Variants in ZNF219 observed in about 807,000 individuals in gnomAD.
ZNF219 encodes zinc finger protein 219.
A neutral mutation model predicts 54.4 loss-of-function variants in ZNF219; 17 were observed. That is an observed-to-expected ratio of 0.31 (90% CI 0.21 to 0.47). The LOEUF is 0.47. Ranked by LOEUF, ZNF219 falls within the 20% of genes least tolerant of loss-of-function variation. ZNF219 has a pLI of 1.00. For missense variants in ZNF219, 1,014 were observed against 1,062.3 expected, an observed-to-expected ratio of 0.95 and a Z score of 0.63; for synonymous variants, 518 against 476.4, an observed-to-expected ratio of 1.09 and a Z score of -1.14.
chr14:21,093,528 C>A, intron 2 of ZNF219, 58 bp downstream of exon 2: 1 of 1,577,196 alleles, frequency 6.3e-7, no homozygotes, highest in South Asian at 1.1e-5. Flanking sequence ...GAGAGGTAGG[C>A]AGGAGAGGGA....
At chr14:21,103,403 A>AG, upstream of ZNF219, 3 of 1,329,384 alleles carry the variant, frequency 2.3e-6, no homozygotes, top group Non-Finnish European at 3.0e-6. Flanking sequence ...TGTTAGGGGA[A>AG]GATACACCTG....
In ZNF219 at chr14:21,090,551, C is replaced by G. The variant is rs781641625; in HGVS notation, c.2154G>C (p.Gly718=). 1 of 1,598,532 alleles carries G rather than the reference C, an allele frequency of 6.3e-7. No homozygotes were observed. The highest frequency in any genetic ancestry group is 8.5e-7 in the Non-Finnish European group (1 of 1,169,992). The change falls in exon 5 of 5, where the codon GGG becomes GGC. Residue 718 remains glycine, a synonymous_variant. Coordinates refer to ENST00000360947, the MANE Select transcript of ZNF219 (RefSeq NM_016423.3). This position sits in a 1 kb window ranked among gnomAD's most constrained non-coding sequence, Gnocchi z 4.4. ...TGAGGGCCCACTACCGTTCTTGCCCCCCCAGCCCTGCCTCTCCGGGTCTGG... is the reference window on the plus strand; with the variant it reads ...TGAGGGCCCACTACCGTTCTTGCCCGCCCAGCCCTGCCTCTCCGGGTCTGG... ...GLSRPGEAGL[G]GQER
chr14:21,090,618 G>A lies in ZNF219; in HGVS notation c.2087C>T (p.Pro696Leu). ...PYARVPSGET[P>L]PSPSQEGEEG... Reference sequence around the variant, plus strand: ...CTCCCCTTCCTGCGAAGGACTGGGAGGGGTCTCTCCTGATGGTACTCGGGC... The same window carrying A: ...CTCCCCTTCCTGCGAAGGACTGGGAAGGGTCTCTCCTGATGGTACTCGGGC... Residue 696 changes from proline (P) to leucine (L), a missense_variant, in exon 5 of 5, where the codon CCT becomes CTT. Coordinates refer to ENST00000360947, the MANE Select transcript of ZNF219 (RefSeq NM_016423.3). The surrounding 1 kb of genome is among the most constrained non-coding windows in gnomAD (Gnocchi z 4.4). 6.2e-7 allele frequency: 1 copy of A among 1,612,010 alleles called. No homozygotes were observed. Among genetic ancestry groups the A allele is most frequent in the Non-Finnish European group, 8.5e-7 (1 of 1,179,360 alleles).
chr14:21,090,863 C>G lies in ZNF219; in HGVS notation c.1842G>C (p.Arg614Ser). The G allele has an allele frequency of 6.4e-7, 1 of 1,554,176 alleles. No individual in the cohort carries two copies. Among genetic ancestry groups the G allele is most frequent in the South Asian group, 1.2e-5 (1 of 84,498 alleles). ...CACCGCCTCGCCCGTTGCGCAGGGT[C>G]CTCCCAGGGCTGGCGGGCTTCCGAC... is the stretch of plus-strand genomic sequence containing the variant. ...GSRRKPASPG[R>S]TLRNGRGGEA... The change falls in exon 5 of 5, where the codon AGG becomes AGC. Residue 614 changes from arginine to serine, a missense_variant. Around this residue, in one of 5 missense-constraint regions of ZNF219, gnomAD observed 281 missense variants for 271.2 expected, o/e 1.04. Coordinates refer to ENST00000360947, the MANE Select transcript of ZNF219 (RefSeq NM_016423.3). This position sits in a 1 kb window ranked among gnomAD's most constrained non-coding sequence, Gnocchi z 4.4.
At chr14:21,091,820 A>G in intron 3 of ZNF219, 45 bp downstream of exon 3, 3 of 1,487,802 alleles carry the variant, frequency 2.0e-6, no homozygotes, top group Non-Finnish European at 2.7e-6. Context: ...CGTAAGAGTC[A>G]GAGGAGGACG....
rs17849357 is a variant in ZNF219 at position 21,092,574 on chromosome 14, T to A, written c.723A>T (p.Arg241Ser). 5 of 1,546,848 alleles carry A rather than the reference T, an allele frequency of 3.2e-6. No individual in the cohort carries two copies. The highest frequency in any genetic ancestry group is 4.4e-6 in the Non-Finnish European group (5 of 1,146,480). Residue 241 changes from arginine (R) to serine (S), a missense_variant, in exon 3 of 5, where the codon AGA becomes AGT. Arg to Ser is a moderately radical substitution (Grantham distance 110). Around this residue, in one of 5 missense-constraint regions of ZNF219, gnomAD observed 395 missense variants for 415.1 expected, o/e 0.95. Coordinates refer to ENST00000360947, the MANE Select transcript of ZNF219 (RefSeq NM_016423.3). ...GCTCCGGCTCCGGCTGGGGGACTGA[T>A]CTGGGTTCGGGCTGGGGTGGAGGCT... ...QPQPPPQPEPRSVPQPEPEPE... is the reference protein window; with the variant it reads ...QPQPPPQPEPSSVPQPEPEPE...
chr14:21,104,274 C>T (rs1472976907), intron 1 of ZNF219: 2 of 152,288 alleles, frequency 1.3e-5, no homozygotes, highest in Non-Finnish European at 2.9e-5. Flanking sequence ...ACTGCGCAGG[C>T]TTGGCCTCTG....
chr14:21,098,259 G>A (rs1889405177), intron 1 of ZNF219, 53 bp downstream of exon 1: 2 of 147,842 alleles, frequency 1.4e-5, no homozygotes, highest in South Asian at 1.9e-4. Flanking sequence ...GGCCGGGGGC[G>A]GGGGCCGGGT....
rs1007287238 is a variant in ZNF219 at position 21,090,453 on chromosome 14, G to A, written c.*83C>T. The A allele has an allele frequency of 1.3e-6, 2 of 1,490,508 alleles. No homozygotes were observed. The highest frequency in any genetic ancestry group is 2.3e-5 in the East Asian group (1 of 43,082). The allele number at this position is 1,490,508 out of a possible 1,614,324, so 92.3% of individuals were successfully genotyped here. A position where few individuals can be genotyped will look rare whatever the true frequency, so the allele number is the denominator to read the frequency against. On this transcript the variant is annotated 3_prime_UTR_variant, in exon 5 of 5. Transcript: ENST00000360947. The surrounding 1 kb of genome is among the most constrained non-coding windows in gnomAD (Gnocchi z 4.4). The stretch of plus-strand genomic sequence containing the variant: ...GGATATGGGTCCCACGCTGCCCCCT[G>A]CTGGCTTCTCTACCCAACTACCTCT...
chr14:21,090,842 G>A lies in ZNF219; in HGVS notation c.1863C>T (p.Gly621=), dbSNP rs1324080522. The A allele has an allele frequency of 4.5e-6, 7 of 1,555,628 alleles. No homozygotes were observed. Among genetic ancestry groups the A allele is most frequent in the East Asian group, 2.4e-5 (1 of 41,684 alleles). ...SPGRTLRNGR[G]GEAEPLDLSL... ...ACAGGTCCAGGGGTTCGGCCTCACC[G>A]CCTCGCCCGTTGCGCAGGGTCCTCC... The change falls in exon 5 of 5, where the codon GGC becomes GGT. Residue 621 remains glycine, a synonymous_variant. Transcript: ENST00000360947. This position sits in a 1 kb window ranked among gnomAD's most constrained non-coding sequence, Gnocchi z 4.4.
intron 1 of ZNF219, among the ~76,000 whole-genome samples, chr14:21,097,070 A>G (rs1206428009): frequency 1.3e-5 from 2 of 152,206 alleles, no homozygotes; most frequent in African/African-American, 2.4e-5. Flanking sequence ...AGGGCGGTCT[A>G]CGTTCAAAAG....
chr14:21,091,085 C>T lies in ZNF219; in HGVS notation c.1620G>A (p.Ser540=), dbSNP rs763617351. The change falls in exon 5 of 5, where the codon TCG becomes TCA. Residue 540 remains serine (S), a synonymous_variant. Transcript: ENST00000360947. The part of the protein sequence containing the change: ...HCDYAGTQSG[S]LKYHLQRHHR... ...GGTGGCGCTGTAGGTGATACTTGAG[C>T]GAGCCGGACTGGGTGCCCGCGTAGT... 13 of 1,572,172 alleles carry T rather than the reference C, an allele frequency of 8.3e-6. No homozygotes were observed. Among genetic ancestry groups the T allele is most frequent in the Middle Eastern group, 1.7e-4 (1 of 5,858 alleles).
At position 21,091,010 on chromosome 14, in the gene ZNF219, C is replaced by A; in HGVS notation, c.1695G>T (p.Pro565=). 2 of 1,552,014 alleles carry A rather than the reference C, an allele frequency of 1.3e-6. No homozygotes were observed. Among genetic ancestry groups the A allele is most frequent in the East Asian group, 4.8e-5 (2 of 42,030 alleles). ...GGGCCGAACCCCGCTGGGAAGGAGGCGGTGGCTCCGGGGGTGGCCCGGGGC... is the reference window on the plus strand; with the variant it reads ...GGGCCGAACCCCGCTGGGAAGGAGGAGGTGGCTCCGGGGGTGGCCCGGGGC... ...GAGPGPPPEP[P]PPSQRGSAPQ... The change falls in exon 5 of 5, where the codon CCG becomes CCT. Residue 565 remains proline, a synonymous_variant. Transcript: ENST00000360947.
chr14:21,094,677 C>T (rs955176292), intron 1 of ZNF219: 9 of 152,254 alleles, frequency 5.9e-5, no homozygotes, highest in Non-Finnish European at 1.0e-4. Flanking sequence ...ACTTGCAGAG[C>T]TCCAGTGCTG....
rs769998731 is a variant in ZNF219 at position 21,093,644 on chromosome 14, G to A, written c.-53C>T. The A allele has an allele frequency of 3.1e-6, 5 of 1,614,004 alleles. No homozygotes were observed. The South Asian group carries it at 5.5e-5, about 18-fold the overall frequency. On this transcript the variant is annotated 5_prime_UTR_variant, in exon 2 of 5. Coordinates refer to ENST00000360947, the MANE Select transcript of ZNF219 (RefSeq NM_016423.3). ...GGAAGTGCAGGGAAGAGGAGGAAAA[G>A]CTGCTAATGAAGGCAACAGGTGCTG...
Position 21,092,224 on chromosome 14 carries a change from C to T in ZNF219, c.1073G>A (p.Gly358Asp). 1 of 1,448,162 alleles carries T rather than the reference C, an allele frequency of 6.9e-7. No homozygotes were observed. Among genetic ancestry groups the T allele is most frequent in the East Asian group, 2.5e-5 (1 of 39,762 alleles). 89.7% of individuals were successfully genotyped at this position (1,448,162 alleles called of 1,614,324 possible). A position where few individuals can be genotyped will look rare whatever the true frequency, so the allele number is the denominator to read the frequency against. The change falls in exon 3 of 5, where the codon GGC becomes GAC. Residue 358 changes from glycine to aspartate, a missense_variant. Coordinates refer to ENST00000360947, the MANE Select transcript of ZNF219 (RefSeq NM_016423.3). Reference sequence around the variant, plus strand: ...AGCCGGGGCCAAGAGGAGCGCTGGGCCCAACGGCTCATAGGCCAGCAGGCC... The same window carrying T: ...AGCCGGGGCCAAGAGGAGCGCTGGGTCCAACGGCTCATAGGCCAGCAGGCC... ...DLGLLAYEPL[G>D]PALLLAPAPT...
intron 1 of ZNF219, among the ~76,000 whole-genome samples, chr14:21,097,794 CAA>C (rs1003544940): frequency 7.0e-4 from 106 of 152,244 alleles, no homozygotes; most frequent in Middle Eastern, 3.4e-3. Context: ...GTTTGGGACG[CAA>C]AGAGGGAAGC....
At position 21,090,547 on chromosome 14, in the gene ZNF219, G is replaced by GC. The variant is rs771569784; in HGVS notation, c.2157dup (p.Gln720AlafsTer13). On this transcript the variant is annotated frameshift_variant, in exon 5 of 5. Transcript: ENST00000360947. LOFTEE classifies it high-confidence loss of function. This position sits in a 1 kb window ranked among gnomAD's most constrained non-coding sequence, Gnocchi z 4.4. The stretch of plus-strand genomic sequence containing the variant: ...CCCCTGAGGGCCCACTACCGTTCTT[G>GC]CCCCCCCAGCCCTGCCTCTCCGGGT... The GC allele has an allele frequency of 4.0e-5, 63 of 1,594,504 alleles. No individual in the cohort carries two copies. Among genetic ancestry groups the GC allele is most frequent in the Admixed American group, 1.4e-4 (8 of 58,520 alleles).
intron 3 of ZNF219, 65 bp from the exon 4 acceptor site, chr14:21,091,607 C>A: frequency 1.3e-6 from 2 of 1,545,306 alleles, no homozygotes; most frequent in Non-Finnish European, 1.8e-6. Flanking sequence ...CGCGCACCCA[C>A]CCCACACCCA....
Sources: allele counts gnomAD v4.1 joint callset (sites outside exome capture counted in the v4.1 genomes callset), GRCh38; gene constraint gnomAD v4.1.1; regional missense constraint gnomAD v4.1.1; non-coding constraint Gnocchi (gnomAD v3.1); transcripts MANE v1.5; gene names NCBI Gene and HGNC (gene_info 2026-07-23, HGNC 2026-07-21).